MAML2: variants seen among roughly 807,000 people sequenced by gnomAD.
MAML2 encodes the protein mastermind like transcriptional coactivator 2, also known as mastermind-like protein 2.
Under a neutral mutation model 96.1 loss-of-function variants are expected in MAML2, and 22 were observed. The ratio of observed to expected loss-of-function variants is 0.23; its 90% CI spans 0.16 to 0.33. The LOEUF (loss-of-function observed/expected upper bound fraction) is 0.33, where lower values mean the gene tolerates loss of function less well. Ranked by LOEUF, MAML2 falls within the 10% of genes least tolerant of loss-of-function variation. MAML2 has a pLI of 1.00. For synonymous variants in MAML2, 561 were observed against 521.3 expected (o/e 1.08, Z -1.04); for missense variants, 1,367 against 1,392.4 (o/e 0.98, Z 0.29).
chr11:96,001,163 A>G (rs1050655097), intron 2 of MAML2, among the ~76,000 whole-genome samples: 40 of 152,134 alleles, frequency 2.6e-4, no homozygotes, highest in Admixed American at 8.5e-4. Flanking sequence ...ATGTTACCCA[A>G]TTTTTAAGTC....
rs530659856 is a variant in MAML2 at position 96,239,997 on chromosome 11, G to T, written c.513+101386C>A. 2.0e-5 allele frequency among the ~76,000 whole-genome samples: 3 copies of T among 152,172 alleles called. No individual in the cohort carries two copies. In the East Asian group the frequency reaches 5.8e-4, roughly 29 times the overall value. On this transcript the variant is annotated intron_variant, in intron 1 of 4. Transcript: ENST00000524717. ...GAGATTAAGGGAATTTTTCTTATAG[G>T]CTTCATAGGCATCATCATCAGTTAC...
At chr11:96,041,870 C>A (rs1326722428) in intron 2 of MAML2, among the ~76,000 whole-genome samples, 5 of 151,906 alleles carry the variant, frequency 3.3e-5, no homozygotes, top group Non-Finnish European at 7.4e-5. Flanking sequence ...AGTGCAATGG[C>A]GCATCTCGGC....
At chr11:96,289,293 T>G (rs937040527) in intron 1 of MAML2, among the ~76,000 whole-genome samples, 7 of 152,210 alleles carry the variant, frequency 4.6e-5, no homozygotes, top group African/African-American at 1.7e-4. Context: ...CTATATAGTC[T>G]TCAAGGATAA....
chr11:96,065,397 G>A (rs537626527), intron 2 of MAML2, among the ~76,000 whole-genome samples: 1 of 141,432 alleles, frequency 7.1e-6, no homozygotes, highest in African/African-American at 2.6e-5. Flanking sequence ...TCTCTCTAGT[G>A]CACATGCGTG....
At chr11:96,289,470 C>G (rs1863181715) in intron 1 of MAML2, among the ~76,000 whole-genome samples, 1 of 152,290 alleles carries the variant, frequency 6.6e-6, no homozygotes. Context: ...TGACCTGCAA[C>G]TGCTGATGGA....
intron 1 of MAML2, among the ~76,000 whole-genome samples, chr11:96,179,732 A>C (rs12365402): frequency 0.26 from 39,019 of 152,222 alleles, 5,327 homozygotes; most frequent in East Asian, 0.49. Context: ...ACCAAGGTCC[A>C]AGATGCTGCT....
intron 2 of MAML2, among the ~76,000 whole-genome samples, chr11:96,054,282 T>C (rs1859030054): frequency 6.6e-6 from 1 of 152,228 alleles, no homozygotes; most frequent in African/African-American, 2.4e-5. Flanking sequence ...ATACTATTAA[T>C]TTGTGCCTTA....
chr11:96,158,565 C>A (rs1307505967), intron 1 of MAML2, among the ~76,000 whole-genome samples: 4 of 152,084 alleles, frequency 2.6e-5, no homozygotes, highest in Non-Finnish European at 5.9e-5. Flanking sequence ...ATTTCTTTTG[C>A]CTGGGTGGAG....
chr11:96,326,358 CGTGT>C lies in MAML2; in HGVS notation c.513+15021_513+15024del, dbSNP rs35138919. Among the ~76,000 whole-genome samples the C allele has an allele frequency of 3.9e-3, 569 of 147,494 alleles. 3 individuals are homozygous for C. The highest frequency in any genetic ancestry group is 0.036 in the East Asian group (184 of 5,106). ...AACTCTATTTTTAATCACACTAAAG[CGTGT>C]GTGTGTGTGTGTGTGTGTGTGTGTG... On this transcript the variant is annotated intron_variant, in intron 1 of 4. Coordinates refer to ENST00000524717, the MANE Select transcript of MAML2 (RefSeq NM_032427.4).
At chr11:96,136,282 C>A (rs889700131) in intron 1 of MAML2, among the ~76,000 whole-genome samples, 17 of 149,916 alleles carry the variant, frequency 1.1e-4, no homozygotes, top group Admixed American at 3.9e-4. Flanking sequence ...CTTCAATTTG[C>A]CACTTCCCTC....
intron 1 of MAML2, among the ~76,000 whole-genome samples, chr11:96,218,462 T>C (rs71475386): frequency 0.07 from 10,656 of 152,262 alleles, 475 homozygotes; most frequent in Non-Finnish European, 0.097. Context: ...GTGACTTACT[T>C]GGGTCAACTG....
At chr11:96,309,382 C>T (rs1863506457) in intron 1 of MAML2, among the ~76,000 whole-genome samples, 1 of 152,196 alleles carries the variant, frequency 6.6e-6, no homozygotes, top group Non-Finnish European at 1.5e-5. Flanking sequence ...ATGAGTAATT[C>T]ATTCTTACCT....
chr11:96,255,646 T>G (rs1234980521), intron 1 of MAML2, among the ~76,000 whole-genome samples: 1 of 152,150 alleles, frequency 6.6e-6, no homozygotes, highest in African/African-American at 2.4e-5. Context: ...AACCTGACAC[T>G]GCACATCGTC....
At chr11:96,257,399 T>C (rs1479826932) in intron 1 of MAML2, among the ~76,000 whole-genome samples, 1 of 152,254 alleles carries the variant, frequency 6.6e-6, no homozygotes, top group Non-Finnish European at 1.5e-5. Flanking sequence ...CTGAGCACAG[T>C]GCTGGCACAG....
chr11:96,193,193 C>T (rs7944967), intron 1 of MAML2, among the ~76,000 whole-genome samples: 40,091 of 151,726 alleles, frequency 0.26, 5,598 homozygotes, highest in Non-Finnish European at 0.32. Context: ...ATGGTGAAAC[C>T]CCATCTCTAC....
At chr11:96,305,041 T>G (rs1175438742) in intron 1 of MAML2, among the ~76,000 whole-genome samples, 1 of 152,134 alleles carries the variant, frequency 6.6e-6, no homozygotes, top group Non-Finnish European at 1.5e-5. Flanking sequence ...TATAACAACT[T>G]CTCAATGCAA....
Position 96,077,219 on chromosome 11 carries a change from CTTTTT to C in MAML2, c.2139+14668_2139+14672del, listed in dbSNP as rs371672772. Among the ~76,000 whole-genome samples, 3 of 94,122 alleles carry C rather than the reference CTTTTT, an allele frequency of 3.2e-5. 1 individual carries two copies. The highest frequency in any genetic ancestry group is 5.9e-5 in the Non-Finnish European group (3 of 50,784). 61.7% of individuals were successfully genotyped at this position (94,122 alleles called of 152,430 possible). A position where few individuals can be genotyped will look rare whatever the true frequency, so the allele number is the denominator to read the frequency against. On this transcript the variant is annotated intron_variant, in intron 2 of 4. Coordinates refer to ENST00000524717, the MANE Select transcript of MAML2 (RefSeq NM_032427.4). ...GACTTTTTACCCCAACTCTCTCTCT[CTTTTT>C]TTTTTTTTTTTTTTTAAAGACAGTC...
chr11:96,082,976 A>G (rs1017132169), intron 2 of MAML2, among the ~76,000 whole-genome samples: 5 of 152,226 alleles, frequency 3.3e-5, no homozygotes, highest in Non-Finnish European at 4.4e-5. Context: ...GGGTTTGAAC[A>G]TGATTGAAGA....
intron 1 of MAML2, among the ~76,000 whole-genome samples, chr11:96,235,028 A>C (rs74940057): frequency 0.045 from 6,809 of 152,280 alleles, 183 homozygotes; most frequent in Non-Finnish European, 0.073. Context: ...TCTCATAAAC[A>C]ACCTTTTCTC....
Sources: gnomAD v4.1 joint callset for allele counts (sites outside exome capture counted in the v4.1 genomes callset) on GRCh38, gnomAD v4.1.1 for gene constraint, MANE v1.5 for transcripts, NCBI Gene and HGNC (gene_info 2026-07-23, HGNC 2026-07-21) for gene names.